The following CCDC148 variants were observed in gnomAD, a reference collection of about 807,000 sequenced individuals.
CCDC148 encodes coiled-coil domain-containing protein 148.
Under a neutral mutation model 85.7 loss-of-function variants are expected in CCDC148, and 89 were observed. The observed-to-expected ratio is 1.04, with a 90% CI of 0.87 to 1.24. The LOEUF is 1.24. Among genes scored for constraint, CCDC148 ranks in the 50% most tolerant of loss-of-function variants. The pLI is 0.00. For synonymous variants in CCDC148, 230 were observed against 213.9 expected, an observed-to-expected ratio of 1.08 and a Z score of -0.66; for missense variants, 692 against 671.7, an observed-to-expected ratio of 1.03 and a Z score of -0.33.
At chr2:158,261,847 T>TA (rs1689237983) in intron 9 of CCDC148, among the ~76,000 whole-genome samples, 1 of 152,024 alleles carries the variant, frequency 6.6e-6, no homozygotes, top group Admixed American at 6.6e-5. Flanking sequence ...TGGCCATTAT[T>TA]AAAAAGTTGA....
chr2:158,211,842 G>C (rs993316664), intron 11 of CCDC148, among the ~76,000 whole-genome samples: 4 of 152,108 alleles, frequency 2.6e-5, no homozygotes, highest in African/African-American at 7.2e-5. Context: ...CATCAAAATT[G>C]CTATATATTG....
At chr2:158,302,898 C>T (rs546259271) in intron 9 of CCDC148, among the ~76,000 whole-genome samples, 15 of 152,044 alleles carry the variant, frequency 9.9e-5, no homozygotes, top group South Asian at 2.1e-4. Context: ...AGGCAGTAGT[C>T]GGGGAAAACT....
Position 158,268,244 on chromosome 2 carries a change from G to A in CCDC148, c.1111-17332C>T, listed in dbSNP as rs1473559171. ...CAGTTGTGCTTCTTCACTAGCACGT[G>A]ATATTGTCAGAGTTTGGAGGGCTAG... On this transcript the variant is annotated intron_variant, in intron 9 of 13. Coordinates refer to ENST00000283233, the MANE Select transcript of CCDC148 (RefSeq NM_138803.4). 4.6e-5 allele frequency among the ~76,000 whole-genome samples: 7 copies of A among 152,134 alleles called. No individual in the cohort carries two copies. In the East Asian group the frequency reaches 1.4e-3, roughly 29 times the overall value.
At chr2:158,288,774 T>C (rs1559046391) in intron 9 of CCDC148, 2 of 405,524 alleles carry the variant, frequency 4.9e-6, no homozygotes, top group Non-Finnish European at 9.7e-6. Context: ...AACACTTCAC[T>C]CTACTGGTAC....
intron 1 of CCDC148, among the ~76,000 whole-genome samples, chr2:158,416,619 T>A (rs1055308559): frequency 6.6e-6 from 1 of 152,186 alleles, no homozygotes; most frequent in Non-Finnish European, 1.5e-5. Flanking sequence ...TGAGACCACA[T>A]CAGCCTCACT....
At position 158,291,642 on chromosome 2, in the gene CCDC148, A is replaced by C. The variant is rs1574560570; in HGVS notation, c.1110+17791T>G. ...ATGTGCTGTCCTCTGTGCTCCCGTAATTCTTATACATATCTCTCCCATGGT... is the reference window on the plus strand; with the variant it reads ...ATGTGCTGTCCTCTGTGCTCCCGTACTTCTTATACATATCTCTCCCATGGT... On this transcript the variant is annotated intron_variant, in intron 9 of 13. Transcript: ENST00000283233. 2.0e-5 allele frequency among the ~76,000 whole-genome samples: 3 copies of C among 152,116 alleles called. No individual in the cohort carries two copies. The East Asian group carries it at 5.8e-4, about 29-fold the overall frequency.
At chr2:158,176,813 C>G in intron 12 of CCDC148, 152 bp from the exon 13 acceptor site, 1 of 756,436 alleles carries the variant, frequency 1.3e-6, no homozygotes, top group Non-Finnish European at 2.1e-6. Flanking sequence ...ATTGGTCAGT[C>G]CTAGAGATCC....
rs1489414521 is a variant in CCDC148, at chr2:158,178,926, G to A, written c.1441C>T (p.His481Tyr). The change falls in exon 12 of 14, where the codon CAT (histidine) becomes TAT (tyrosine). Residue 481 changes from histidine to tyrosine, a missense_variant. By Grantham distance (83) the His-to-Tyr change is moderately conservative. Coordinates refer to ENST00000283233, the MANE Select transcript of CCDC148 (RefSeq NM_138803.4). ...CGCCGTGCTCTCTCTTTGTCTTCAT[G>A]AGCTTCTTGAAGGGCCACTTCCTTT... ...EKKEVALQEA[H>Y]EDKERARRLE... The A allele has an allele frequency of 1.9e-6, 3 of 1,613,522 alleles. No individual in the cohort carries two copies. The highest frequency in any genetic ancestry group is 2.5e-6 in the Non-Finnish European group (3 of 1,179,760).
chr2:158,456,326 T>C (rs1417284809), intron 1 of CCDC148, 89 bp downstream of exon 1: 2 of 1,333,890 alleles, frequency 1.5e-6, no homozygotes, highest in African/African-American at 2.9e-5. Context: ...GAAGGGGGAG[T>C]GGCTGCAGAG....
intron 7 of CCDC148, among the ~76,000 whole-genome samples, 181 bp from the exon 8 acceptor site, chr2:158,314,075 G>C (rs533170543): frequency 8.5e-5 from 13 of 152,164 alleles, no homozygotes; most frequent in African/African-American, 3.1e-4. Flanking sequence ...AATGCAATGG[G>C]TTCCTTCAGT....
intron 9 of CCDC148, among the ~76,000 whole-genome samples, chr2:158,271,749 T>A (rs1361822607): frequency 6.6e-6 from 1 of 152,198 alleles, no homozygotes; most frequent in East Asian, 1.9e-4. Flanking sequence ...GTTTTAGGCA[T>A]CTACTGGGGG....
At chr2:158,359,068 G>A (rs889122404) in intron 1 of CCDC148, among the ~76,000 whole-genome samples, 3 of 152,030 alleles carry the variant, frequency 2.0e-5, no homozygotes, top group South Asian at 2.1e-4. Flanking sequence ...AGTTTAATAC[G>A]TTGAAAAATA....
intron 9 of CCDC148, among the ~76,000 whole-genome samples, chr2:158,304,166 C>T (rs928050344): frequency 1.3e-5 from 2 of 152,028 alleles, no homozygotes; most frequent in Non-Finnish European, 2.9e-5. Context: ...GTTACCACTT[C>T]CCTCTTCATG....
rs574244023 is a variant in CCDC148, at chr2:158,258,953, C to A, written c.1111-8041G>T. 1.5e-3 allele frequency among the ~76,000 whole-genome samples: 222 copies of A among 151,834 alleles called. 11 individuals are homozygous for A. The South Asian group carries it at 0.046, about 31-fold the overall frequency. On this transcript the variant is annotated intron_variant, in intron 9 of 13. Coordinates refer to ENST00000283233, the MANE Select transcript of CCDC148 (RefSeq NM_138803.4). Reference sequence around the variant, plus strand: ...ACTACACGGCTCCCAGTATTTGGCCCAGCCTGTGTCTGCAACCCCAACTCA... The same window carrying A: ...ACTACACGGCTCCCAGTATTTGGCCAAGCCTGTGTCTGCAACCCCAACTCA...
At chr2:158,347,058 AC>A (rs1683029500) in intron 2 of CCDC148, among the ~76,000 whole-genome samples, 1 of 152,172 alleles carries the variant, frequency 6.6e-6, no homozygotes, top group South Asian at 2.1e-4. Context: ...TACTTTACCT[AC>A]CAAAAAAATA....
rs781544302 is a variant in CCDC148 at position 158,171,298 on chromosome 2, G to A, written c.*815C>T. ...TGGGGTAATCTTAACTGTAACAATG[G>A]CAACTTTCAACAACACTAACTTGTT... is the stretch of plus-strand genomic sequence containing the variant. On this transcript the variant is annotated 3_prime_UTR_variant, in exon 14 of 14. Transcript: ENST00000283233. 53 of 151,610 alleles carry A rather than the reference G, an allele frequency of 3.5e-4. No homozygotes were observed. Among genetic ancestry groups the A allele is most frequent in the Non-Finnish European group, 6.8e-4 (46 of 67,892 alleles). 9.4% of individuals were successfully genotyped at this position (151,610 alleles called of 1,614,324 possible).
rs1411872536 is a variant in CCDC148, at chr2:158,330,014, G to A, written c.764+8712C>T. On this transcript the variant is annotated intron_variant, in intron 7 of 13. Transcript: ENST00000283233. ...TATCCTTTATTTCCTTCTCCTGCCT[G>A]ATTGCCCTGGCCAGAACTTCCAACG... is the stretch of plus-strand genomic sequence containing the variant. Among the ~76,000 whole-genome samples the A allele has an allele frequency of 7.2e-5, 11 of 152,208 alleles. No individual in the cohort carries two copies. In the East Asian group the frequency reaches 9.7e-4, roughly 13 times the overall value.
intron 8 of CCDC148, among the ~76,000 whole-genome samples, chr2:158,310,552 C>T (rs1393851307): frequency 6.6e-6 from 1 of 151,448 alleles, no homozygotes; most frequent in African/African-American, 2.4e-5. Flanking sequence ...AGAGGCGCCC[C>T]CCACCTCCCA....
chr2:158,382,110 T>C (rs945852905), intron 1 of CCDC148, among the ~76,000 whole-genome samples: 1 of 152,142 alleles, frequency 6.6e-6, no homozygotes, highest in African/African-American at 2.4e-5. Flanking sequence ...GGGCCCATCT[T>C]TGAGGCAGAG....
Sources: allele counts gnomAD v4.1 joint callset (sites outside exome capture counted in the v4.1 genomes callset), GRCh38; gene constraint gnomAD v4.1.1; transcripts MANE v1.5; gene names NCBI Gene and HGNC (gene_info 2026-07-23, HGNC 2026-07-21).